SNRNP40: variants seen among roughly 807,000 people sequenced by gnomAD.
SNRNP40 encodes U5 small nuclear ribonucleoprotein 40 kDa protein.
A neutral mutation model predicts 45.8 loss-of-function variants in SNRNP40; 21 were observed. That is an observed-to-expected ratio of 0.46 (90% CI 0.32 to 0.66). SNRNP40 has a LOEUF of 0.66. SNRNP40 is among the 30% of genes least tolerant of loss of function. The pLI is 0.03. For synonymous variants in SNRNP40, 142 were observed against 163.8 expected, an observed-to-expected ratio of 0.87 and a Z score of 1.01; for missense variants, 344 against 439.1, an observed-to-expected ratio of 0.78 and a Z score of 1.94.
chr1:31,263,762 G>T, intron 8 of SNRNP40: 1 of 293,080 alleles, frequency 3.4e-6, no homozygotes, highest in South Asian at 3.0e-5. Flanking sequence ...CCATGGAGCA[G>T]ACAGAAGTGA....
At chr1:31,285,506 TAGGATTAC>T (rs754013702) in intron 4 of SNRNP40, among the ~76,000 whole-genome samples, 12 of 152,182 alleles carry the variant, frequency 7.9e-5, no homozygotes, top group Non-Finnish European at 1.8e-4. Context: ...CCCAAAGTGC[TAGGATTAC>T]AGGCATAAGC....
chr1:31,261,127 C>T (rs1277847534), intron 9 of SNRNP40: 5 of 698,998 alleles, frequency 7.2e-6, no homozygotes, highest in East Asian at 6.7e-5. Context: ...GATTACTGGA[C>T]GTCAGGAGTT....
intron 5 of SNRNP40, among the ~76,000 whole-genome samples, chr1:31,280,378 G>A (rs545514739): frequency 1.3e-5 from 2 of 151,794 alleles, no homozygotes; most frequent in South Asian, 2.1e-4. Flanking sequence ...TGGCCAGGAC[G>A]GTCTCGGTCT....
chr1:31,263,502 A>G, intron 8 of SNRNP40: 1 of 350,530 alleles, frequency 2.9e-6, no homozygotes, highest in East Asian at 9.4e-5. Context: ...GTATGTATTT[A>G]GAGAGCCCCT....
At chr1:31,282,515 CT>C (rs1363030991) in intron 4 of SNRNP40, 2 of 147,400 alleles carry the variant, frequency 1.4e-5, no homozygotes. Flanking sequence ...ATCTATCTAT[CT>C]ATCTATCTAA....
At chr1:31,274,284 T>C (rs1463032209) in intron 5 of SNRNP40, among the ~76,000 whole-genome samples, 3 of 152,186 alleles carry the variant, frequency 2.0e-5, no homozygotes, top group African/African-American at 7.2e-5. Context: ...GTTGCCAGGC[T>C]GGAGTGCAGT....
chr1:31,260,369 C>G (rs150968382), intron 9 of SNRNP40, among the ~76,000 whole-genome samples: 2 of 152,156 alleles, frequency 1.3e-5, no homozygotes, highest in East Asian at 3.9e-4. Flanking sequence ...CCTTGTCAGT[C>G]AAACCCCAAG....
At chr1:31,284,145 C>T (rs1646039256) in intron 4 of SNRNP40, among the ~76,000 whole-genome samples, 1 of 152,078 alleles carries the variant, frequency 6.6e-6, no homozygotes, top group South Asian at 2.1e-4. Context: ...ATCGCTTGGG[C>T]CAGAGAGGTT....
At position 31,295,886 on chromosome 1, in the gene SNRNP40, A is replaced by G. The variant is rs915422173; in HGVS notation, c.141+725T>C. ...CTAGACCTATTTTGAGGACGGTGCCAGCAGGATTTATTGAGGAGATGTGAG... is the reference window on the plus strand; with the variant it reads ...CTAGACCTATTTTGAGGACGGTGCCGGCAGGATTTATTGAGGAGATGTGAG... On this transcript the variant is annotated intron_variant, in intron 1 of 9. Transcript: ENST00000263694. 2.6e-5 allele frequency among the ~76,000 whole-genome samples: 4 copies of G among 152,274 alleles called. No individual in the cohort carries two copies. In the South Asian group the frequency reaches 8.3e-4, roughly 32 times the overall value.
chr1:31,271,093 G>C (rs1645934668), intron 6 of SNRNP40: 2 of 248,540 alleles, frequency 8.0e-6, no homozygotes, highest in African/African-American at 4.4e-5. Flanking sequence ...TCATCACCTA[G>C]AGTTTCTAAT....
intron 1 of SNRNP40, among the ~76,000 whole-genome samples, chr1:31,294,491 G>C (rs1646128065): frequency 6.6e-6 from 1 of 151,334 alleles, no homozygotes; most frequent in African/African-American, 2.4e-5. Flanking sequence ...AAGGAGTCTT[G>C]CTCTGTTGCC....
intron 5 of SNRNP40, among the ~76,000 whole-genome samples, chr1:31,278,870 T>C (rs1225930148): frequency 2.6e-5 from 4 of 152,096 alleles, no homozygotes; most frequent in African/African-American, 9.7e-5. Flanking sequence ...GCAAAGGCCC[T>C]TGGCGAATAA....
Position 31,289,233 on chromosome 1 carries a change from AC to A in SNRNP40, c.531+20del, listed in dbSNP as rs1367822078. 7 of 1,610,906 alleles carry A rather than the reference AC, an allele frequency of 4.3e-6. No individual in the cohort carries two copies. The highest frequency in any genetic ancestry group is 1.3e-5 in the African/African-American group (1 of 74,878). ...ACATCACATCACCTCAGAAACTGGA[AC>A]ACGGAGAGACAATACCCACCTTAAC... On this transcript the variant is annotated intron_variant, in intron 4 of 9. Transcript: ENST00000263694.
intron 8 of SNRNP40, 48 bp downstream of exon 8, chr1:31,267,823 C>T: frequency 6.8e-7 from 1 of 1,469,238 alleles, no homozygotes; most frequent in South Asian, 1.1e-5. Flanking sequence ...CGAGCCACCG[C>T]ATCCGGCCAG....
At chr1:31,288,286 A>C (rs1646076414) in intron 4 of SNRNP40, among the ~76,000 whole-genome samples, 1 of 152,256 alleles carries the variant, frequency 6.6e-6, no homozygotes, top group African/African-American at 2.4e-5. Flanking sequence ...AATATAAACC[A>C]GAGCCCAAAA....
chr1:31,280,498 G>T lies in SNRNP40; in HGVS notation c.654+876C>A, dbSNP rs118062900. On this transcript the variant is annotated intron_variant, in intron 5 of 9. Transcript: ENST00000263694. ...TATTTCATCCAAAGTAACAGCAAAG[G>T]AAACAATGAGGGATGGAAATACAGT... Among the ~76,000 whole-genome samples the T allele has an allele frequency of 5.9e-3, 891 of 152,106 alleles. 70 individuals carry two copies. The East Asian group carries it at 0.15, about 25-fold the overall frequency.
chr1:31,281,574 C>T (rs1012390628), intron 4 of SNRNP40, 78 bp from the exon 5 acceptor site: 27 of 1,346,174 alleles, frequency 2.0e-5, no homozygotes, highest in South Asian at 1.0e-4. Context: ...CCCTTAAGTA[C>T]GAGGACTTTG....
intron 4 of SNRNP40, chr1:31,281,848 TA>T (rs1214236155): frequency 1.8e-5 from 3 of 165,418 alleles, no homozygotes; most frequent in Non-Finnish European, 3.9e-5. Context: ...CCGTAGAGAC[TA>T]ATTCATTAGT....
intron 2 of SNRNP40, 175 bp downstream of exon 2, chr1:31,293,044 C>G (rs1646118001): frequency 3.1e-6 from 2 of 644,286 alleles, no homozygotes; most frequent in Non-Finnish European, 5.3e-6. Context: ...CCCATGGACT[C>G]CAAGTTCTAC....
Sources: gnomAD v4.1 joint callset for allele counts (sites outside exome capture counted in the v4.1 genomes callset) on GRCh38, gnomAD v4.1.1 for gene constraint, MANE v1.5 for transcripts, NCBI Gene and HGNC (gene_info 2026-07-23, HGNC 2026-07-21) for gene names.